Variants in ABCC4 observed in about 807,000 individuals in gnomAD.
ABCC4 encodes ATP-binding cassette sub-family C member 4.
In ABCC4, 102 loss-of-function variants were observed where a neutral mutation model predicts 168.5. That is an observed-to-expected ratio of 0.61 (90% CI 0.52 to 0.71). The LOEUF (loss-of-function observed/expected upper bound fraction) is 0.71. ABCC4 is among the 30% of genes least tolerant of loss of function. The probability of loss-of-function intolerance (pLI) is 0.00; values close to 1 mark genes in which losing one functional copy is unlikely to be tolerated. For missense variants in ABCC4, 1,402 were observed against 1,605.8 expected (o/e 0.87, Z 2.17); for synonymous variants, 617 against 590.7 (o/e 1.04, Z -0.65).
intron 19 of ABCC4, among the ~76,000 whole-genome samples, chr13:95,152,941 C>T (rs758754144): frequency 1.1e-4 from 16 of 152,086 alleles, no homozygotes; most frequent in African/African-American, 2.2e-4. Flanking sequence ...AACAGAACAG[C>T]GTTTCAAGCT....
intron 26 of ABCC4, among the ~76,000 whole-genome samples, chr13:95,056,565 A>T (rs1431117288): frequency 6.6e-6 from 1 of 152,110 alleles, no homozygotes; most frequent in African/African-American, 2.4e-5. Flanking sequence ...GACTGACTGC[A>T]TTAGGCCAGA....
At chr13:95,029,205 TATATATATAGAGAGAGAGAG>T (rs2031721890) in intron 30 of ABCC4, among the ~76,000 whole-genome samples, 1 of 53,600 alleles carries the variant, frequency 1.9e-5, no homozygotes, top group African/African-American at 7.0e-5. Flanking sequence ...TATATATATA[TATATATATAGAGAGAGAGAG>T]AGAGAGAGAG....
At chr13:95,141,463 T>G (rs1331108247) in intron 19 of ABCC4, among the ~76,000 whole-genome samples, 1 of 151,758 alleles carries the variant, frequency 6.6e-6, no homozygotes, top group African/African-American at 2.4e-5. Flanking sequence ...TCCTCTGAGG[T>G]GCAGTATAAA....
At position 95,279,212 on chromosome 13, in the gene ABCC4, A is replaced by G. The variant is rs149135579; in HGVS notation, c.74+22029T>C. 2.4e-3 allele frequency among the ~76,000 whole-genome samples: 362 copies of G among 152,352 alleles called. 1 individual carries two copies. Among genetic ancestry groups the G allele is most frequent in the African/African-American group, 8.5e-3 (353 of 41,592 alleles). On this transcript the variant is annotated intron_variant, in intron 1 of 30. Coordinates refer to ENST00000645237, the MANE Select transcript of ABCC4 (RefSeq NM_005845.5). ...ACGTCACACTTCTTAATTCAAGGACAGAAAAGCACAAACTAAAATGCACAC... is the reference window on the plus strand; with the variant it reads ...ACGTCACACTTCTTAATTCAAGGACGGAAAAGCACAAACTAAAATGCACAC...
rs558240418 is a variant in ABCC4 at position 95,117,189 on chromosome 13, T to G, written c.2456-1188A>C. Among the ~76,000 whole-genome samples the G allele has an allele frequency of 3.9e-5, 6 of 152,090 alleles. No individual in the cohort carries two copies. In the East Asian group the frequency reaches 1.2e-3, roughly 29 times the overall value. Reference sequence around the variant, plus strand: ...ACCTTTGGCAGGCCCAGTGACAACTTTTCTGAGCCTCTAATAACACCTCCT... The same window carrying G: ...ACCTTTGGCAGGCCCAGTGACAACTGTTCTGAGCCTCTAATAACACCTCCT... On this transcript the variant is annotated intron_variant, in intron 19 of 30. Coordinates refer to ENST00000645237, the MANE Select transcript of ABCC4 (RefSeq NM_005845.5).
Position 95,083,617 on chromosome 13 carries a change from C to CAAGTGATT in ABCC4, c.2536-328_2536-327insAATCACTT, listed in dbSNP as rs2034170104. Among the ~76,000 whole-genome samples the CAAGTGATT allele has an allele frequency of 2.0e-5, 3 of 151,670 alleles. No individual in the cohort carries two copies. The South Asian group carries it at 6.3e-4, about 32-fold the overall frequency. ...TCTCCTCTCACTGCAGCCTCCCACT[C>CAAGTGATT]CCGTGTTCAAGTGATTCTCCTGCCT... On this transcript the variant is annotated intron_variant, in intron 20 of 30. Coordinates refer to ENST00000645237, the MANE Select transcript of ABCC4 (RefSeq NM_005845.5).
chr13:95,041,598 G>A (rs1400458220), intron 29 of ABCC4, among the ~76,000 whole-genome samples: 1 of 152,128 alleles, frequency 6.6e-6, no homozygotes, highest in East Asian at 1.9e-4. Context: ...TGATTCACTT[G>A]TCTCTATGTT....
intron 1 of ABCC4, 110 bp from the exon 2 acceptor site, chr13:95,247,863 T>C (rs2040148883): frequency 2.8e-6 from 2 of 720,072 alleles, no homozygotes; most frequent in African/African-American, 1.8e-5. Context: ...CATACAGCTA[T>C]ATATAGACAG....
chr13:95,042,669 C>T (rs145641718), intron 29 of ABCC4, among the ~76,000 whole-genome samples: 55 of 152,266 alleles, frequency 3.6e-4, no homozygotes, highest in African/African-American at 7.5e-4. Context: ...ATGGTAACAG[C>T]GCTGATGGAT....
chr13:95,076,783 C>G (rs747172250), intron 21 of ABCC4, among the ~76,000 whole-genome samples: 20 of 151,528 alleles, frequency 1.3e-4, no homozygotes, highest in Non-Finnish European at 2.6e-4. Context: ...TTTTTAGAAA[C>G]AGGATTTCAC....
intron 30 of ABCC4, among the ~76,000 whole-genome samples, chr13:95,029,797 A>G (rs1163341746): frequency 6.6e-6 from 1 of 152,128 alleles, no homozygotes; most frequent in Non-Finnish European, 1.5e-5. Context: ...AACATACACT[A>G]TCTCATTTAA....
intron 20 of ABCC4, among the ~76,000 whole-genome samples, chr13:95,109,515 G>C (rs527472978): frequency 1.5e-4 from 23 of 152,260 alleles, no homozygotes; most frequent in African/African-American, 5.3e-4. Context: ...CTCTTTGTAT[G>C]TCCTTTGTAG....
At chr13:95,250,676 G>C (rs2040230005) in intron 1 of ABCC4, among the ~76,000 whole-genome samples, 1 of 148,046 alleles carries the variant, frequency 6.8e-6, no homozygotes, top group African/African-American at 2.5e-5. Context: ...AGAGAGTTTT[G>C]TTATTTATTG....
At chr13:95,233,217 C>T (rs1458635320) in intron 4 of ABCC4, among the ~76,000 whole-genome samples, 2 of 150,934 alleles carry the variant, frequency 1.3e-5, no homozygotes, top group African/African-American at 4.9e-5. Context: ...TATAACTGTA[C>T]ACAATGTACA....
At chr13:95,115,734 G>A (rs1477787692) in intron 20 of ABCC4, among the ~76,000 whole-genome samples, 188 bp downstream of exon 20, 1 of 152,082 alleles carries the variant, frequency 6.6e-6, no homozygotes, top group African/African-American at 2.4e-5. Flanking sequence ...CCACACACAA[G>A]GTATTACTCA....
At chr13:95,039,721 G>A (rs548628353) in intron 29 of ABCC4, among the ~76,000 whole-genome samples, 1 of 152,332 alleles carries the variant, frequency 6.6e-6, no homozygotes, top group East Asian at 1.9e-4. Flanking sequence ...ATTCCAGGTA[G>A]CTGTCCTAGA....
intron 25 of ABCC4, among the ~76,000 whole-genome samples, chr13:95,068,630 G>A (rs1412705437): frequency 6.6e-6 from 1 of 152,192 alleles, no homozygotes; most frequent in African/African-American, 2.4e-5. Flanking sequence ...AAGCCAAGTG[G>A]TTGTAGCTAT....
rs915711086 is a variant in ABCC4, at chr13:95,301,420, A to G, written c.-106T>C. ...CAGGGATGCTGGGGCTCCGGCCGCC[A>G]CGCCTGTCCGCTCGGCTGGAGCCTG... is the stretch of plus-strand genomic sequence containing the variant. On this transcript the variant is annotated 5_prime_UTR_variant, in exon 1 of 31. Coordinates refer to ENST00000645237, the MANE Select transcript of ABCC4 (RefSeq NM_005845.5). 90 of 986,654 alleles carry G rather than the reference A, an allele frequency of 9.1e-5. No homozygotes were observed. The African/African-American group carries it at 1.4e-3, about 15-fold the overall frequency. 61.1% of individuals were successfully genotyped at this position (986,654 alleles called of 1,614,324 possible).
intron 1 of ABCC4, chr13:95,269,437 ATAT>A (rs1566586378): frequency 1.6e-3 from 156 of 99,372 alleles, no homozygotes; most frequent in African/African-American, 5.2e-3. Flanking sequence ...AAAAAAAAAT[ATAT>A]ATATATATAT....
Sources: gnomAD v4.1 joint callset for allele counts (sites outside exome capture counted in the v4.1 genomes callset) on GRCh38, gnomAD v4.1.1 for gene constraint, MANE v1.5 for transcripts, NCBI Gene and HGNC (gene_info 2026-07-23, HGNC 2026-07-21) for gene names.